The following ARMC8 variants were observed in gnomAD, a reference collection of about 807,000 sequenced individuals.
The protein encoded by ARMC8 is armadillo repeat-containing protein 8.
A neutral mutation model predicts 99.3 loss-of-function variants in ARMC8; 20 were observed. The observed-to-expected ratio is 0.20, with a 90% CI of 0.14 to 0.29. The LOEUF (loss-of-function observed/expected upper bound fraction) is 0.29. ARMC8 is among the 10% of genes least tolerant of loss of function. The pLI is 1.00. For missense variants in ARMC8, 569 were observed against 809.5 expected (o/e 0.70, Z 3.60); for synonymous variants, 263 against 278.3 (o/e 0.95, Z 0.55).
At chr3:138,232,616 T>C (rs2046113238) in intron 6 of ARMC8, among the ~76,000 whole-genome samples, 1 of 152,212 alleles carries the variant, frequency 6.6e-6, no homozygotes. Flanking sequence ...TTTAGAACAT[T>C]CATATAATAG....
chr3:138,198,591 C>T (rs2043873328), intron 1 of ARMC8, among the ~76,000 whole-genome samples: 1 of 152,004 alleles, frequency 6.6e-6, no homozygotes, highest in African/African-American at 2.4e-5. Flanking sequence ...CGGCTCACTG[C>T]AACCTCCGCC....
In ARMC8 at chr3:138,296,473, C is replaced by T. The variant is rs1577091343; in HGVS notation, c.*581C>T. The stretch of plus-strand genomic sequence containing the variant: ...CATAAAGGTTATGTTGAATTTTGGT[C>T]AGATGAATATTTGTAAGTAAAAAAT... On this transcript the variant is annotated 3_prime_UTR_variant, in exon 22 of 22. Coordinates refer to ENST00000469044, the MANE Select transcript of ARMC8 (RefSeq NM_001363941.2). 6.6e-6 allele frequency: 1 copy of T among 151,478 alleles called. No individual in the cohort carries two copies. The highest frequency in any genetic ancestry group is 2.1e-4 in the South Asian group (1 of 4,810). The allele number at this position is 151,478 out of a possible 1,614,324, so 9.4% of individuals were successfully genotyped here.
chr3:138,197,955 T>C (rs1473644860), intron 1 of ARMC8, among the ~76,000 whole-genome samples: 1 of 152,252 alleles, frequency 6.6e-6, no homozygotes, highest in African/African-American at 2.4e-5. Context: ...GCTAAATTAC[T>C]TTCAGTCTTG....
intron 1 of ARMC8, among the ~76,000 whole-genome samples, chr3:138,189,343 C>T (rs1287830978): frequency 2.0e-5 from 3 of 151,568 alleles, no homozygotes; most frequent in Non-Finnish European, 2.9e-5. Flanking sequence ...ATCAGATCTT[C>T]ACTCCTAGAG....
intron 1 of ARMC8, among the ~76,000 whole-genome samples, chr3:138,201,127 G>A (rs2044039616): frequency 6.6e-6 from 1 of 151,620 alleles, no homozygotes. Flanking sequence ...GGCCAGGCTG[G>A]TCTTGAACTC....
At chr3:138,216,788 A>G (rs1210292809) in intron 2 of ARMC8, among the ~76,000 whole-genome samples, 3 of 152,204 alleles carry the variant, frequency 2.0e-5, no homozygotes, top group African/African-American at 4.8e-5. Flanking sequence ...TGGCTACTTC[A>G]TACTAATTAG....
upstream of ARMC8, chr3:138,187,287 G>C: frequency 2.4e-6 from 1 of 418,714 alleles, no homozygotes; most frequent in South Asian, 5.8e-5. Flanking sequence ...TTGCGCATGC[G>C]GAAACCGCTG....
intron 1 of ARMC8, among the ~76,000 whole-genome samples, chr3:138,197,638 ATC>A (rs1329465060): frequency 6.6e-6 from 1 of 152,218 alleles, no homozygotes; most frequent in African/African-American, 2.4e-5. Flanking sequence ...TCCAGAGGAT[ATC>A]TCAGTCTTTG....
At chr3:138,281,290 TTC>T (rs1453164277) in intron 18 of ARMC8, among the ~76,000 whole-genome samples, 2 of 151,810 alleles carry the variant, frequency 1.3e-5, no homozygotes, top group Non-Finnish European at 2.9e-5. Flanking sequence ...AATAATTGAT[TTC>T]TTTTTCTTTT....
intron 12 of ARMC8, among the ~76,000 whole-genome samples, chr3:138,248,101 G>A (rs2108203611): frequency 6.6e-6 from 1 of 152,300 alleles, no homozygotes; most frequent in Admixed American, 6.5e-5. Context: ...CAGCTAGAGT[G>A]AAGGAGGATG....
intron 1 of ARMC8, 158 bp downstream of exon 1, chr3:138,187,757 T>G: frequency 2.5e-6 from 2 of 795,302 alleles, no homozygotes; most frequent in Non-Finnish European, 3.9e-6. Flanking sequence ...AGAGGCGGGA[T>G]AGACGGGCAG....
chr3:138,200,945 C>T (rs2044027818), intron 1 of ARMC8, among the ~76,000 whole-genome samples: 1 of 127,436 alleles, frequency 7.8e-6, no homozygotes, highest in African/African-American at 2.9e-5. Context: ...TGGAGTCTCC[C>T]TCTGTTACCC....
intron 1 of ARMC8, among the ~76,000 whole-genome samples, chr3:138,192,753 T>C (rs1260573566): frequency 6.6e-6 from 1 of 152,054 alleles, no homozygotes; most frequent in Non-Finnish European, 1.5e-5. Context: ...CAGGCTGGTC[T>C]GGAACTCCTA....
intron 20 of ARMC8, among the ~76,000 whole-genome samples, chr3:138,289,478 G>A (rs890763191): frequency 6.6e-5 from 10 of 152,214 alleles, no homozygotes; most frequent in Non-Finnish European, 1.5e-4. Context: ...AGCAGAGGAA[G>A]CACATATGAG....
chr3:138,266,994 A>G (rs2048344712), intron 14 of ARMC8, among the ~76,000 whole-genome samples, 161 bp from the exon 15 acceptor site: 1 of 152,240 alleles, frequency 6.6e-6, no homozygotes, highest in Non-Finnish European at 1.5e-5. Context: ...TAGCACTAGG[A>G]AAAGTTTGAC....
At chr3:138,239,605 C>G in intron 10 of ARMC8, 77 bp downstream of exon 10, 1 of 868,458 alleles carries the variant, frequency 1.2e-6, no homozygotes, top group Non-Finnish European at 1.8e-6. Context: ...ACTCATATTT[C>G]ATTTTACACA....
chr3:138,187,804 C>T (rs1254443808), intron 1 of ARMC8: 12 of 564,230 alleles, frequency 2.1e-5, no homozygotes, highest in Non-Finnish European at 3.4e-5. Flanking sequence ...TTTCCAACTC[C>T]GGGAGCTCCC....
intron 2 of ARMC8, among the ~76,000 whole-genome samples, chr3:138,219,183 G>A (rs950148351): frequency 6.6e-6 from 1 of 152,196 alleles, no homozygotes; most frequent in Non-Finnish European, 1.5e-5. Context: ...TAGTGGATAT[G>A]GAATGCTTTG....
intron 1 of ARMC8, among the ~76,000 whole-genome samples, chr3:138,208,096 T>G (rs1205622604): frequency 3.3e-5 from 5 of 149,792 alleles, no homozygotes; most frequent in African/African-American, 1.0e-4. Flanking sequence ...CTGTTTTTTT[T>G]TTTTTGTTGT....
Sources: gnomAD v4.1 joint callset for allele counts (sites outside exome capture counted in the v4.1 genomes callset) on GRCh38, gnomAD v4.1.1 for gene constraint, MANE v1.5 for transcripts, NCBI Gene and HGNC (gene_info 2026-07-23, HGNC 2026-07-21) for gene names.